Variants in ZC3H4 observed in about 807,000 individuals in gnomAD.
ZC3H4 encodes the protein zinc finger CCCH domain-containing protein 4.
In ZC3H4, 13 loss-of-function variants were observed where a neutral mutation model predicts 108.3. The ratio of observed to expected loss-of-function variants is 0.12; its 90% CI spans 0.08 to 0.19. ZC3H4 has a LOEUF of 0.19. Among genes scored for constraint, ZC3H4 ranks in the 10% least tolerant of loss-of-function variants. The pLI, the probability that ZC3H4 is intolerant of heterozygous loss-of-function variation, is 1.00. For synonymous variants in ZC3H4, 917 were observed against 749.6 expected (o/e 1.22, Z -3.65); for missense variants, 1,734 against 1,838.8 (o/e 0.94, Z 1.04).
intron 5 of ZC3H4, among the ~76,000 whole-genome samples, chr19:47,088,608 A>G (rs1195945797): frequency 6.6e-6 from 1 of 151,924 alleles, no homozygotes; most frequent in Admixed American, 6.6e-5. Flanking sequence ...CAGTGAGCCT[A>G]AATCGTGCCA....
At chr19:47,081,937 T>C (rs1447436836) in intron 10 of ZC3H4, among the ~76,000 whole-genome samples, 1 of 152,198 alleles carries the variant, frequency 6.6e-6, no homozygotes, top group Non-Finnish European at 1.5e-5. Context: ...GCCAATGGTA[T>C]GGGCCAGTCT....
At chr19:47,091,800 G>A (rs2057736199) in intron 4 of ZC3H4, among the ~76,000 whole-genome samples, 1 of 150,706 alleles carries the variant, frequency 6.6e-6, no homozygotes, top group African/African-American at 2.4e-5. Context: ...GGCTGAGGCA[G>A]GAGAATCGCT....
At chr19:47,111,908 G>C (rs2058044181) in intron 2 of ZC3H4, among the ~76,000 whole-genome samples, 3 of 152,112 alleles carry the variant, frequency 2.0e-5, no homozygotes, top group Admixed American at 2.0e-4. Flanking sequence ...CGGGGGCTGG[G>C]AGACCCCCAA....
intron 11 of ZC3H4, among the ~76,000 whole-genome samples, chr19:47,073,955 C>A (rs1390609423): frequency 6.6e-6 from 1 of 152,168 alleles, no homozygotes; most frequent in Non-Finnish European, 1.5e-5. Context: ...CTGACCATGA[C>A]CCTTAGGGCC....
Position 47,072,176 on chromosome 19 carries a change from C to T in ZC3H4, c.1803-55G>A, listed in dbSNP as rs996907900. 6 of 1,463,300 alleles carry T rather than the reference C, an allele frequency of 4.1e-6. No individual in the cohort carries two copies. Among genetic ancestry groups the T allele is most frequent in the Non-Finnish European group, 5.5e-6 (6 of 1,100,844 alleles). 90.6% of individuals were successfully genotyped at this position (1,463,300 alleles called of 1,614,324 possible). ...AAGCTGCCGAGGAGGGCAGTGGCCA[C>T]ACCCCAGAGGAGAGGCGGAGGGCTG... On this transcript the variant is annotated intron_variant, in intron 12 of 14. Transcript: ENST00000253048. This position sits in a 1 kb window ranked among gnomAD's most constrained non-coding sequence, Gnocchi z 5.6.
chr19:47,104,843 T>A (rs1022195845), intron 2 of ZC3H4, among the ~76,000 whole-genome samples: 1 of 152,234 alleles, frequency 6.6e-6, no homozygotes, highest in Non-Finnish European at 1.5e-5. Context: ...CCAAGCCACC[T>A]GCAACAGACT....
intron 13 of ZC3H4, 72 bp downstream of exon 13, chr19:47,071,706 C>A: frequency 6.8e-7 from 1 of 1,475,106 alleles, no homozygotes; most frequent in South Asian, 1.4e-5. Context: ...GAAGAAAAAT[C>A]ACATCTCCCC....
chr19:47,092,938 C>T (rs1167347068), intron 4 of ZC3H4, among the ~76,000 whole-genome samples: 1 of 152,100 alleles, frequency 6.6e-6, no homozygotes, highest in African/African-American at 2.4e-5. Flanking sequence ...GATTTGCGGC[C>T]GGGCGCGGTG....
chr19:47,071,799 G>A lies in ZC3H4; in HGVS notation c.2125C>T (p.Pro709Ser). ...YQQQEGMEMEPGLLGDAEDYG... is the reference protein window; with the variant it reads ...YQQQEGMEMESGLLGDAEDYG... ...ATACCTGCATCCCCCAGGAGTCCGG[G>A]CTCCATCTCCATGCCCTCCTGCTGC... Residue 709 changes from proline (P) to serine (S), a missense_variant, in exon 13 of 15, where the codon CCC (proline) becomes TCC (serine). Around this residue, in one of 9 missense-constraint regions of ZC3H4, gnomAD observed 540 missense variants for 484.1 expected, o/e 1.12. Transcript: ENST00000253048. 1 of 1,612,324 alleles carries A rather than the reference G, an allele frequency of 6.2e-7. No homozygotes were observed. The highest frequency in any genetic ancestry group is 1.7e-4 in the Middle Eastern group (1 of 6,048).
At chr19:47,076,289 A>T (rs553322491) in intron 11 of ZC3H4, among the ~76,000 whole-genome samples, 7 of 152,002 alleles carry the variant, frequency 4.6e-5, no homozygotes, top group African/African-American at 1.4e-4. Context: ...CAAGTGCAAG[A>T]AGCCAGACTC....
chr19:47,105,813 C>T (rs1199136311), intron 2 of ZC3H4, among the ~76,000 whole-genome samples: 1 of 152,158 alleles, frequency 6.6e-6, no homozygotes, highest in Non-Finnish European at 1.5e-5. Context: ...TCTCCTCTTC[C>T]ATTTCCTTGG....
chr19:47,079,995 T>C (rs2057493070), intron 11 of ZC3H4, among the ~76,000 whole-genome samples: 1 of 152,130 alleles, frequency 6.6e-6, no homozygotes, highest in Admixed American at 6.5e-5. Flanking sequence ...CTACGTCTGC[T>C]TGCATGGGGC....
chr19:47,077,154 C>T (rs2057436597), intron 11 of ZC3H4, among the ~76,000 whole-genome samples: 2 of 151,148 alleles, frequency 1.3e-5, no homozygotes, highest in South Asian at 2.1e-4. Context: ...AGCGAGATTC[C>T]GTCTTGGAAA....
chr19:47,084,516 G>A, intron 8 of ZC3H4, 61 bp from the exon 9 acceptor site: 1 of 1,535,812 alleles, frequency 6.5e-7, no homozygotes, highest in Non-Finnish European at 9.0e-7. Flanking sequence ...GATGGGATCG[G>A]GGTTAATAAG....
intron 2 of ZC3H4, chr19:47,112,139 C>T: frequency 9.1e-7 from 1 of 1,094,598 alleles, no homozygotes. Context: ...CCGAGGGGCG[C>T]CTCCTCACCT....
chr19:47,075,876 G>A (rs1184530704), intron 11 of ZC3H4, among the ~76,000 whole-genome samples: 3 of 152,090 alleles, frequency 2.0e-5, no homozygotes, highest in Admixed American at 6.5e-5. Flanking sequence ...ACTGCCCATC[G>A]GTCCTGCCAG....
chr19:47,092,244 A>C (rs962430866), intron 4 of ZC3H4, among the ~76,000 whole-genome samples: 11 of 152,164 alleles, frequency 7.2e-5, no homozygotes, highest in African/African-American at 2.7e-4. Flanking sequence ...ACTAATTTTA[A>C]AAAATCCGAA....
Position 47,110,534 on chromosome 19 carries a change from T to C in ZC3H4, c.161+1890A>G, listed in dbSNP as rs1410337369. On this transcript the variant is annotated intron_variant, in intron 2 of 14. Transcript: ENST00000253048. ...TAGAATCCTGATTCGAACATATCAA[T>C]TCACTCTCAAGCATCACTTTGGTCT... Among the ~76,000 whole-genome samples the C allele has an allele frequency of 2.0e-5, 3 of 152,112 alleles. No individual in the cohort carries two copies. The East Asian group carries it at 5.8e-4, about 29-fold the overall frequency.
At chr19:47,082,153 A>T in intron 10 of ZC3H4, 31 bp downstream of exon 10, 5 of 1,579,524 alleles carry the variant, frequency 3.2e-6, no homozygotes, top group Non-Finnish European at 4.4e-6. Flanking sequence ...CTGCGCCCTC[A>T]TTCAGACCAG....
Sources: gnomAD v4.1 joint callset for allele counts (sites outside exome capture counted in the v4.1 genomes callset) on GRCh38, gnomAD v4.1.1 for gene constraint, gnomAD v4.1.1 regional missense constraint, Gnocchi (gnomAD v3.1) non-coding constraint, MANE v1.5 for transcripts, NCBI Gene and HGNC (gene_info 2026-07-23, HGNC 2026-07-21) for gene names.